ADHFE1: variants seen among roughly 807,000 people sequenced by gnomAD.
The protein encoded by ADHFE1 is alcohol dehydrogenase iron containing 1.
In ADHFE1, 37 loss-of-function variants were observed where a neutral mutation model predicts 54.8. The ratio of observed to expected loss-of-function variants is 0.68; its 90% confidence interval spans 0.52 to 0.89. The LOEUF is 0.89. Ranked by LOEUF, ADHFE1 falls within the 40% of genes least tolerant of loss-of-function variation. ADHFE1 has a pLI of 0.00. For synonymous variants in ADHFE1, 203 were observed against 229.3 expected, an observed-to-expected ratio of 0.89 and a Z score of 1.04; for missense variants, 601 against 591.2, an observed-to-expected ratio of 1.02 and a Z score of -0.17.
At chr8:66,433,231 T>G (rs888339776) in intron 1 of ADHFE1, among the ~76,000 whole-genome samples, 4 of 152,140 alleles carry the variant, frequency 2.6e-5, no homozygotes. Context: ...ATGGAAAAGT[T>G]TGAGCTCACA....
At chr8:66,465,951 AT>A (rs1363691774) in intron 13 of ADHFE1, among the ~76,000 whole-genome samples, 10 of 151,540 alleles carry the variant, frequency 6.6e-5, no homozygotes, top group African/African-American at 2.2e-4. Context: ...ATGATTTGCA[AT>A]TTTTTTTAAT....
At chr8:66,440,851 C>G (rs1303211747) in intron 2 of ADHFE1, among the ~76,000 whole-genome samples, 1 of 152,090 alleles carries the variant, frequency 6.6e-6, no homozygotes, top group Non-Finnish European at 1.5e-5. Context: ...AACATTAAGG[C>G]AAGAGTTGGA....
intron 12 of ADHFE1, among the ~76,000 whole-genome samples, chr8:66,458,812 C>CT (rs1435976339): frequency 2.0e-5 from 3 of 152,070 alleles, no homozygotes; most frequent in South Asian, 2.1e-4. Context: ...CCTACCATCT[C>CT]TTTTTTTTCT....
chr8:66,449,451 T>C (rs1218391436), intron 8 of ADHFE1, among the ~76,000 whole-genome samples: 1 of 152,230 alleles, frequency 6.6e-6, no homozygotes, highest in Non-Finnish European at 1.5e-5. Flanking sequence ...CCCCAGACCA[T>C]GCACATTGTG....
rs757767088 is a variant in ADHFE1, at chr8:66,451,956, T to A, written c.738T>A (p.His246Gln). ...VANSGFDVLC[H>Q]ALESYTTLPY... Reference sequence around the variant, plus strand: ...TACTTTCAATATTTCTTTTTAGCCATGCCCTGGAGTCATACACCACCCTGC... The same window carrying A: ...TACTTTCAATATTTCTTTTTAGCCAAGCCCTGGAGTCATACACCACCCTGC... The change falls in exon 9 of 14, where the codon CAT (histidine) becomes CAA (glutamine). Residue 246 changes from histidine to glutamine, a missense_variant. By Grantham distance (24) the His-to-Gln change is conservative. Transcript: ENST00000396623. 2 of 1,613,232 alleles carry A rather than the reference T, an allele frequency of 1.2e-6. No individual in the cohort carries two copies. Among genetic ancestry groups the A allele is most frequent in the South Asian group, 2.2e-5 (2 of 90,976 alleles).
intron 13 of ADHFE1, among the ~76,000 whole-genome samples, chr8:66,463,576 C>T (rs1376712864): frequency 1.3e-5 from 2 of 152,054 alleles, no homozygotes; most frequent in East Asian, 3.8e-4. Flanking sequence ...ATAAGCTTGT[C>T]CATTTTGCAG....
At chr8:66,467,450 G>A (rs1037014525) in intron 13 of ADHFE1, among the ~76,000 whole-genome samples, 2 of 152,060 alleles carry the variant, frequency 1.3e-5, no homozygotes, top group African/African-American at 4.8e-5. Context: ...TACTTACTAT[G>A]TAAAGCCCTC....
chr8:66,468,798 G>T lies in ADHFE1; in HGVS notation c.*446G>T, dbSNP rs1807317166. 1.3e-5 allele frequency: 2 copies of T among 153,908 alleles called. No homozygotes were observed. Among genetic ancestry groups the T allele is most frequent in the South Asian group, 4.1e-4 (2 of 4,898 alleles). The allele number at this position is 153,908 out of a possible 1,614,324, so 9.5% of individuals were successfully genotyped here. ...TGGCAGCACTTTTCTAATAATAAAA[G>T]ATTTGAAACAACCTTAAGTATTCAT... On this transcript the variant is annotated 3_prime_UTR_variant, in exon 14 of 14. Coordinates refer to ENST00000396623, the MANE Select transcript of ADHFE1 (RefSeq NM_144650.3).
At position 66,456,782 on chromosome 8, in the gene ADHFE1, T is replaced by G. The variant is rs1050338877; in HGVS notation, c.987-35T>G. ...TATTGTTGACTTGAATTTTGATAAC[T>G]GTGTATGAACATAAGGATTTTCTTT... On this transcript the variant is annotated intron_variant, in intron 10 of 13. Coordinates refer to ENST00000396623, the MANE Select transcript of ADHFE1 (RefSeq NM_144650.3). 2.6e-6 allele frequency: 4 copies of G among 1,511,260 alleles called. No homozygotes were observed. The African/African-American group carries it at 5.5e-5, about 21-fold the overall frequency. 93.6% of individuals were successfully genotyped at this position (1,511,260 alleles called of 1,614,324 possible).
intron 13 of ADHFE1, among the ~76,000 whole-genome samples, chr8:66,465,645 G>A (rs1807132668): frequency 6.6e-6 from 1 of 152,098 alleles, no homozygotes; most frequent in Non-Finnish European, 1.5e-5. Flanking sequence ...CTGTCATCAG[G>A]CTGGAGTGCA....
chr8:66,461,425 C>T (rs1217614871), intron 13 of ADHFE1, among the ~76,000 whole-genome samples: 1 of 152,124 alleles, frequency 6.6e-6, no homozygotes, highest in Admixed American at 6.5e-5. Context: ...TTTTCCCTCA[C>T]CCCACTCCAA....
intron 13 of ADHFE1, among the ~76,000 whole-genome samples, chr8:66,466,236 ATTTT>A (rs575459850): frequency 0.21 from 24,525 of 119,622 alleles, 2,236 homozygotes; most frequent in African/African-American, 0.26. Context: ...ACCCAGCTGA[ATTTT>A]TTTTTTTTTT....
rs1226619425 is a variant in ADHFE1 at position 66,468,888 on chromosome 8, T to C, written c.*536T>C. The C allele has an allele frequency of 6.6e-6, 1 of 152,172 alleles. No individual in the cohort carries two copies. 9.4% of individuals were successfully genotyped at this position (152,172 alleles called of 1,614,324 possible). A position where few individuals can be genotyped will look rare whatever the true frequency, so the allele number is the denominator to read the frequency against. ...AATACTATGGTACTGTTAATAAAGA[T>C]GAAGTAAATCTCTTGGAAATGAGTC... On this transcript the variant is annotated 3_prime_UTR_variant, in exon 14 of 14. Transcript: ENST00000396623.
chr8:66,445,030 G>A (rs1805954799), intron 5 of ADHFE1, among the ~76,000 whole-genome samples, 188 bp from the exon 6 acceptor site: 1 of 151,994 alleles, frequency 6.6e-6, no homozygotes, highest in Non-Finnish European at 1.5e-5. Flanking sequence ...GAACCCAAGA[G>A]ACATAGGTTG....
intron 13 of ADHFE1, among the ~76,000 whole-genome samples, chr8:66,461,093 G>C (rs1806874194): frequency 6.6e-6 from 1 of 152,180 alleles, no homozygotes; most frequent in Non-Finnish European, 1.5e-5. Context: ...TTCTCATGAA[G>C]AACTCTGATC....
At chr8:66,433,473 T>C (rs1354514084) in intron 1 of ADHFE1, among the ~76,000 whole-genome samples, 1 of 152,174 alleles carries the variant, frequency 6.6e-6, no homozygotes, top group Non-Finnish European at 1.5e-5. Context: ...ATCAGTATAA[T>C]AGTAACTCTA....
At chr8:66,447,923 A>G (rs1236992818) in intron 7 of ADHFE1, among the ~76,000 whole-genome samples, 2 of 152,214 alleles carry the variant, frequency 1.3e-5, no homozygotes, top group Non-Finnish European at 2.9e-5. Context: ...TGACTTTTGT[A>G]TAATAAAATG....
chr8:66,446,650 ATATT>A (rs60190252), intron 6 of ADHFE1, among the ~76,000 whole-genome samples: 14,750 of 152,270 alleles, frequency 0.097, 804 homozygotes, highest in East Asian at 0.25. Flanking sequence ...ATTAACGCTC[ATATT>A]TATGCAGAAG....
intron 5 of ADHFE1, 87 bp from the exon 6 acceptor site, chr8:66,445,131 C>T (rs1805963418): frequency 7.6e-7 from 1 of 1,315,308 alleles, no homozygotes; most frequent in African/African-American, 1.5e-5. Flanking sequence ...AAAAACCCCA[C>T]AAAACTTACC....
Sources: gnomAD v4.1 joint callset for allele counts (sites outside exome capture counted in the v4.1 genomes callset) on GRCh38, gnomAD v4.1.1 for gene constraint, MANE v1.5 for transcripts, NCBI Gene and HGNC (gene_info 2026-07-23, HGNC 2026-07-21) for gene names.